Variants in TJP1 observed in about 807,000 individuals in gnomAD.
TJP1 encodes tight junction protein 1.
TJP1 carries 43 observed loss-of-function variants against 194.2 expected under a neutral mutation model. The ratio of observed to expected loss-of-function variants is 0.22; its 90% CI spans 0.17 to 0.29. The LOEUF (loss-of-function observed/expected upper bound fraction) is 0.29, where lower values mean the gene tolerates loss of function less well. TJP1 is among the 10% of genes least tolerant of loss of function. The pLI is 1.00. For missense variants in TJP1, 1,971 were observed against 2,185.7 expected (o/e 0.90, Z 1.96); for synonymous variants, 801 against 779.0 (o/e 1.03, Z -0.47).
chr15:29,943,552 G>A (rs1179702233), intron 2 of TJP1, among the ~76,000 whole-genome samples: 2 of 141,696 alleles, frequency 1.4e-5, no homozygotes, highest in Non-Finnish European at 3.0e-5. Context: ...TGCTGGAACT[G>A]GGAGGTGGAT....
intron 2 of TJP1, among the ~76,000 whole-genome samples, chr15:29,880,312 G>A (rs1411340039): frequency 3.9e-5 from 6 of 152,134 alleles, no homozygotes; most frequent in African/African-American, 1.4e-4. Flanking sequence ...GATATACAAA[G>A]AACTGCACGT....
At chr15:29,795,110 A>G (rs192735882) in intron 2 of TJP1, among the ~76,000 whole-genome samples, 1 of 152,300 alleles carries the variant, frequency 6.6e-6, no homozygotes, top group East Asian at 1.9e-4. Context: ...CTTACATGAT[A>G]AAGACAAATA....
chr15:29,772,470 A>G (rs915699280), intron 3 of TJP1, among the ~76,000 whole-genome samples: 1 of 152,218 alleles, frequency 6.6e-6, no homozygotes, highest in Non-Finnish European at 1.5e-5. Context: ...ACAGGGCATT[A>G]AATGATACTA....
chr15:29,853,082 T>G (rs1177596665), intron 2 of TJP1, among the ~76,000 whole-genome samples: 1 of 152,206 alleles, frequency 6.6e-6, no homozygotes. Context: ...AACAAACTAT[T>G]GATACATGCA....
At chr15:29,822,611 C>A (rs984178849), upstream of TJP1, 44 of 480,090 alleles carry the variant, frequency 9.2e-5, no homozygotes, top group Non-Finnish European at 9.8e-5. Context: ...CGACCCCAAG[C>A]GCGGAAGGAA....
At chr15:29,919,336 C>G (rs1289895582) in intron 2 of TJP1, among the ~76,000 whole-genome samples, 1 of 152,190 alleles carries the variant, frequency 6.6e-6, no homozygotes, top group Non-Finnish European at 1.5e-5. Flanking sequence ...GAGATGAAAG[C>G]TTCTGGCCTC....
chr15:29,716,813 G>GTTGAGGTTT lies in TJP1; in HGVS notation c.3991_3999dup (p.Lys1331_Gln1333dup). On this transcript the variant is annotated inframe_insertion, in exon 23 of 28. Coordinates refer to ENST00000614355, the MANE Select transcript of TJP1 (RefSeq NM_001330239.4). The stretch of plus-strand genomic sequence containing the variant: ...CGAACAATATCTTCAGGTGGCTTCA[G>GTTGAGGTTT]TTGAGGTTTTTGAGGTTCTGGGATC... The GTTGAGGTTT allele has an allele frequency of 6.2e-7, 1 of 1,603,896 alleles. No individual in the cohort carries two copies. Among genetic ancestry groups the GTTGAGGTTT allele is most frequent in the East Asian group, 2.2e-5 (1 of 44,594 alleles).
chr15:29,723,074 T>C (rs1187582452), intron 18 of TJP1, among the ~76,000 whole-genome samples: 1 of 152,232 alleles, frequency 6.6e-6, no homozygotes, highest in Non-Finnish European at 1.5e-5. Context: ...ACTAGCCTTG[T>C]CTCAGATGAG....
chr15:29,929,962 C>G (rs1419916769), intron 2 of TJP1, among the ~76,000 whole-genome samples: 1 of 152,070 alleles, frequency 6.6e-6, no homozygotes, highest in East Asian at 1.9e-4. Flanking sequence ...CAACTTTATG[C>G]AATACAACTG....
At chr15:29,810,273 G>T (rs2049400416) in intron 1 of TJP1, among the ~76,000 whole-genome samples, 1 of 152,302 alleles carries the variant, frequency 6.6e-6, no homozygotes, top group Non-Finnish European at 1.5e-5. Context: ...CATACTGGGT[G>T]ACAGTAATGT....
intron 2 of TJP1, among the ~76,000 whole-genome samples, chr15:29,780,519 T>G (rs1041898924): frequency 1.3e-5 from 2 of 152,150 alleles, no homozygotes; most frequent in African/African-American, 4.8e-5. Context: ...CCTCCTGCTG[T>G]GTGGCTCAGT....
chr15:29,935,457 A>G (rs865979779), intron 2 of TJP1, among the ~76,000 whole-genome samples: 1 of 152,114 alleles, frequency 6.6e-6, no homozygotes, highest in Non-Finnish European at 1.5e-5. Context: ...GAGCAGCATG[A>G]AATTAGCCAT....
At chr15:29,846,468 C>G (rs986349488) in intron 2 of TJP1, among the ~76,000 whole-genome samples, 12 of 151,996 alleles carry the variant, frequency 7.9e-5, no homozygotes, top group Non-Finnish European at 1.3e-4. Context: ...GAGTTACACA[C>G]AAGAGAAGGG....
intron 1 of TJP1, chr15:29,968,164 T>C (rs2152329857): frequency 1.0e-6 from 1 of 985,394 alleles, no homozygotes; most frequent in Non-Finnish European, 1.2e-6. Context: ...TCCCTGACAA[T>C]GCAATAATAA....
intron 2 of TJP1, among the ~76,000 whole-genome samples, chr15:29,780,409 A>C (rs575649840): frequency 1.3e-5 from 2 of 152,114 alleles, no homozygotes; most frequent in East Asian, 3.9e-4. Context: ...CTCCTGTGAG[A>C]ATGTGATGCC....
At chr15:29,919,031 T>C (rs548583363) in intron 2 of TJP1, among the ~76,000 whole-genome samples, 1 of 152,150 alleles carries the variant, frequency 6.6e-6, no homozygotes, top group Non-Finnish European at 1.5e-5. Context: ...TGGTGAAATG[T>C]CACCATGCCG....
At chr15:29,953,106 G>GC (rs1413702108) in intron 2 of TJP1, among the ~76,000 whole-genome samples, 4 of 141,200 alleles carry the variant, frequency 2.8e-5, no homozygotes, top group South Asian at 2.3e-4. Context: ...CAAATGTGTA[G>GC]CCCCCCTCTT....
chr15:29,825,996 T>G (rs1443341531), upstream of TJP1, among the ~76,000 whole-genome samples: 1 of 152,184 alleles, frequency 6.6e-6, no homozygotes, highest in Admixed American at 6.5e-5. Context: ...GAGTACCAAC[T>G]TTTTAATCTT....
intron 8 of TJP1, among the ~76,000 whole-genome samples, chr15:29,758,265 G>C (rs1370961800): frequency 5.9e-5 from 9 of 151,988 alleles, no homozygotes; most frequent in Non-Finnish European, 1.0e-4. Context: ...ACCCCAGGTT[G>C]TTCGAGGGTC....
Sources: gnomAD v4.1 joint callset for allele counts (sites outside exome capture counted in the v4.1 genomes callset) on GRCh38, gnomAD v4.1.1 for gene constraint, MANE v1.5 for transcripts, NCBI Gene and HGNC (gene_info 2026-07-23, HGNC 2026-07-21) for gene names.